Variants in TRABD2B observed in about 807,000 individuals in gnomAD.
The protein encoded by TRABD2B is metalloprotease TIKI2.
Under a neutral mutation model 40.1 loss-of-function variants are expected in TRABD2B, and 14 were observed. That is an observed-to-expected ratio of 0.35 (90% CI 0.23 to 0.55). TRABD2B has a LOEUF of 0.55. Ranked by LOEUF, TRABD2B falls within the 20% of genes least tolerant of loss-of-function variation. TRABD2B has a pLI of 0.90. For synonymous variants in TRABD2B, 263 were observed against 277.0 expected, an observed-to-expected ratio of 0.95 and a Z score of 0.50; for missense variants, 541 against 648.6, an observed-to-expected ratio of 0.83 and a Z score of 1.80.
chr1:47,812,829 T>C (rs1472800541), intron 2 of TRABD2B, among the ~76,000 whole-genome samples: 1 of 152,136 alleles, frequency 6.6e-6, no homozygotes, highest in African/African-American at 2.4e-5. Flanking sequence ...AGACATTCAG[T>C]AGTGGAGGGT....
chr1:47,858,208 ATTTTATTTTATT>A (rs1186677042), intron 2 of TRABD2B, among the ~76,000 whole-genome samples: 1 of 1,688 alleles, frequency 5.9e-4, no homozygotes, highest in Non-Finnish European at 5.3e-3. Context: ...ATTTTACTTT[ATTTTATTTTATT>A]TTATTTTATT....
chr1:47,929,869 G>A (rs1371255591), intron 2 of TRABD2B, among the ~76,000 whole-genome samples: 1 of 152,184 alleles, frequency 6.6e-6, no homozygotes, highest in Non-Finnish European at 1.5e-5. Flanking sequence ...AAATGGGCCT[G>A]TCAGAAACAT....
At chr1:47,886,382 G>C (rs1644371301) in intron 2 of TRABD2B, among the ~76,000 whole-genome samples, 1 of 152,192 alleles carries the variant, frequency 6.6e-6, no homozygotes, top group Non-Finnish European at 1.5e-5. Context: ...GGCAGGCGGG[G>C]TTTGCTTCTT....
At chr1:47,860,504 C>T (rs1643951190) in intron 2 of TRABD2B, among the ~76,000 whole-genome samples, 1 of 152,126 alleles carries the variant, frequency 6.6e-6, no homozygotes, top group Admixed American at 6.5e-5. Flanking sequence ...AGAAATGGTC[C>T]CAGGTGCCAA....
intron 6 of TRABD2B, among the ~76,000 whole-genome samples, chr1:47,772,588 G>A (rs1409807716): frequency 6.6e-6 from 1 of 152,150 alleles, no homozygotes; most frequent in Non-Finnish European, 1.5e-5. Flanking sequence ...GTAGGAGATG[G>A]CTCCAATGGG....
chr1:47,876,952 A>T (rs1644233824), intron 2 of TRABD2B, among the ~76,000 whole-genome samples: 1 of 152,182 alleles, frequency 6.6e-6, no homozygotes, highest in Non-Finnish European at 1.5e-5. Flanking sequence ...CAGATCTATA[A>T]TAGTAGCTAG....
chr1:47,827,850 AC>A (rs1045703774), intron 2 of TRABD2B, among the ~76,000 whole-genome samples: 49 of 151,748 alleles, frequency 3.2e-4, no homozygotes, highest in African/African-American at 1.1e-3. Context: ...ACAATGAGGT[AC>A]CCCCCTTTTT....
chr1:47,867,687 G>T (rs1457690345), intron 2 of TRABD2B, among the ~76,000 whole-genome samples: 1 of 152,072 alleles, frequency 6.6e-6, no homozygotes, highest in African/African-American at 2.4e-5. Flanking sequence ...GTCAGAACAG[G>T]ATGTTTAACT....
intron 2 of TRABD2B, among the ~76,000 whole-genome samples, chr1:47,943,570 A>G (rs75626687): frequency 1.3e-5 from 2 of 152,120 alleles, no homozygotes; most frequent in Non-Finnish European, 2.9e-5. Flanking sequence ...AGGGTCATAT[A>G]TTCAGCTACT....
chr1:47,880,906 T>C lies in TRABD2B; in HGVS notation c.667-79287A>G, dbSNP rs1430381456. 5.3e-5 allele frequency among the ~76,000 whole-genome samples: 8 copies of C among 152,348 alleles called. No homozygotes were observed. In the East Asian group the frequency reaches 9.6e-4, roughly 18 times the overall value. Reference sequence around the variant, plus strand: ...GCTGAGAACTAGAGGGTACTGTTCATTGGGGGTCCCCTCGCAGCAGTGAGA... The same window carrying C: ...GCTGAGAACTAGAGGGTACTGTTCACTGGGGGTCCCCTCGCAGCAGTGAGA... On this transcript the variant is annotated intron_variant, in intron 2 of 6. Coordinates refer to ENST00000606738, the MANE Select transcript of TRABD2B (RefSeq NM_001194986.2).
chr1:47,829,342 A>T (rs1645219246), intron 2 of TRABD2B, among the ~76,000 whole-genome samples: 1 of 152,074 alleles, frequency 6.6e-6, no homozygotes, highest in Non-Finnish European at 1.5e-5. Context: ...CAGTTAGGGC[A>T]GGCTGTGAGC....
Position 47,915,230 on chromosome 1 carries a change from GGGTGACCTATGCA to G in TRABD2B, c.666+78791_666+78803del, listed in dbSNP as rs1644815014. Reference sequence around the variant, plus strand: ...ACAAAAGCAGGGAGGTGCAAGAGAGGGGTGACCTATGCAGGAGACTAGAAGCAACTCCAGAGAG... The same window carrying G: ...ACAAAAGCAGGGAGGTGCAAGAGAGGGGAGACTAGAAGCAACTCCAGAGAG... On this transcript the variant is annotated intron_variant, in intron 2 of 6. Transcript: ENST00000606738. Among the ~76,000 whole-genome samples, 9 of 152,170 alleles carry G rather than the reference GGGTGACCTATGCA, an allele frequency of 5.9e-5. No homozygotes were observed. The South Asian group carries it at 1.9e-3, about 32-fold the overall frequency.
chr1:47,943,556 G>GCT lies in TRABD2B; in HGVS notation c.666+50477_666+50478insAG, dbSNP rs1479034632. On this transcript the variant is annotated intron_variant, in intron 2 of 6. Transcript: ENST00000606738. ...GATGGGGAAACAGAGGTCCTTAGAA[G>GCT]GACAGGGTCATATATTCAGCTACTG... 3.9e-5 allele frequency among the ~76,000 whole-genome samples: 6 copies of GCT among 152,222 alleles called. No homozygotes were observed. In the East Asian group the frequency reaches 1.2e-3, roughly 29 times the overall value.
chr1:47,796,244 C>T (rs1644746445), intron 3 of TRABD2B, among the ~76,000 whole-genome samples: 1 of 152,194 alleles, frequency 6.6e-6, no homozygotes, highest in South Asian at 2.1e-4. Flanking sequence ...CACAACCTGT[C>T]AGTGTCATTC....
chr1:47,970,360 G>A (rs934593763), intron 2 of TRABD2B, among the ~76,000 whole-genome samples: 1 of 152,062 alleles, frequency 6.6e-6, no homozygotes, highest in Non-Finnish European at 1.5e-5. Context: ...CTATAGCTGG[G>A]TTTGGATCTC....
chr1:47,974,185 A>G (rs1645722253), intron 2 of TRABD2B, among the ~76,000 whole-genome samples: 1 of 152,048 alleles, frequency 6.6e-6, no homozygotes, highest in Admixed American at 6.6e-5. Context: ...AAATCCAAGT[A>G]CTGTCCTATT....
At chr1:47,768,824 A>T (rs1194347782) in intron 6 of TRABD2B, among the ~76,000 whole-genome samples, 1 of 152,222 alleles carries the variant, frequency 6.6e-6, no homozygotes, top group Non-Finnish European at 1.5e-5. Flanking sequence ...ATGTGCTGAC[A>T]TACATTGCTT....
At chr1:47,856,810 A>G (rs1643896439) in intron 2 of TRABD2B, among the ~76,000 whole-genome samples, 1 of 152,356 alleles carries the variant, frequency 6.6e-6, no homozygotes, top group East Asian at 1.9e-4. Context: ...ACTTTGATAG[A>G]TCTTTATCTT....
rs74631093 is a variant in TRABD2B at position 47,894,209 on chromosome 1, C to T, written c.667-92590G>A. ...AGGACTCTGCCATTGAGAGCCAAGC[C>T]GCCTTGGTTCACATCCTGGCTCTGA... On this transcript the variant is annotated intron_variant, in intron 2 of 6. Transcript: ENST00000606738. 9.1e-3 allele frequency among the ~76,000 whole-genome samples: 1,392 copies of T among 152,256 alleles called. 23 individuals carry two copies. Among genetic ancestry groups the T allele is most frequent in the African/African-American group, 0.03 (1,265 of 41,544 alleles).
Sources: allele counts gnomAD v4.1 joint callset (sites outside exome capture counted in the v4.1 genomes callset), GRCh38; gene constraint gnomAD v4.1.1; transcripts MANE v1.5; gene names NCBI Gene and HGNC (gene_info 2026-07-23, HGNC 2026-07-21).